Variants in CEP83 observed in about 807,000 individuals in gnomAD.
CEP83 encodes centrosomal protein 83.
CEP83 carries 70 observed loss-of-function variants against 101.9 expected under a neutral mutation model. That is an observed-to-expected ratio of 0.69 (90% CI 0.57 to 0.84). The LOEUF (loss-of-function observed/expected upper bound fraction) is 0.84, where lower values mean the gene tolerates loss of function less well. Among genes scored for constraint, CEP83 ranks in the 40% least tolerant of loss-of-function variants. The pLI is 0.00. For synonymous variants in CEP83, 264 were observed against 267.9 expected, an observed-to-expected ratio of 0.99 and a Z score of 0.14; for missense variants, 715 against 787.2, an observed-to-expected ratio of 0.91 and a Z score of 1.10.
At chr12:94,287,911 G>A in the CEP83 span, among the ~76,000 whole-genome samples, 2 of 152,224 alleles carry the variant, frequency 1.3e-5, no homozygotes, top group East Asian at 1.9e-4. Context: ...CGCTCCATGA[G>A]GTGAATACTA....
intron 1 of CEP83, among the ~76,000 whole-genome samples, chr12:94,447,491 G>A (rs12815406): frequency 1.3e-5 from 2 of 152,140 alleles, no homozygotes; most frequent in Non-Finnish European, 2.9e-5. Flanking sequence ...GAAAACAGGA[G>A]AACCTGTCTG....
chr12:94,275,416 A>G, the CEP83 span, among the ~76,000 whole-genome samples: 1 of 152,208 alleles, frequency 6.6e-6, no homozygotes, highest in Non-Finnish European at 1.5e-5. Flanking sequence ...GGCTGAGGGC[A>G]GACGCTGTGA....
At chr12:94,354,023 T>C (rs538528447) in intron 11 of CEP83, among the ~76,000 whole-genome samples, 87 of 152,256 alleles carry the variant, frequency 5.7e-4, no homozygotes, top group African/African-American at 1.9e-3. Context: ...AGGGGAAAGA[T>C]AGACACCAAT....
At chr12:94,320,111 C>CT (rs1971395344) in intron 14 of CEP83, among the ~76,000 whole-genome samples, 1 of 151,966 alleles carries the variant, frequency 6.6e-6, no homozygotes, top group Non-Finnish European at 1.5e-5. Flanking sequence ...AAACCCGTGT[C>CT]TTTTTTGATT....
At chr12:94,429,224 G>A (rs914434927) in intron 2 of CEP83, among the ~76,000 whole-genome samples, 2 of 152,194 alleles carry the variant, frequency 1.3e-5, no homozygotes, top group Non-Finnish European at 2.9e-5. Context: ...TTAGCTAAGA[G>A]CCTGGAGAGA....
Position 94,378,851 on chromosome 12 carries a change from A to G in CEP83, c.741T>C (p.Asn247=). 5 of 1,614,030 alleles carry G rather than the reference A, an allele frequency of 3.1e-6. No homozygotes were observed. Among genetic ancestry groups the G allele is most frequent in the Non-Finnish European group, 4.2e-6 (5 of 1,179,956 alleles). Residue 247 remains asparagine, a synonymous_variant, in exon 7 of 17, where the codon AAT becomes AAC. Transcript: ENST00000397809. Reference sequence around the variant, plus strand: ...ACTGCCGCACCTGTATTCTTTGGGCATTTTCCACCTGAGCCTCAGAATTCT... The same window carrying G: ...ACTGCCGCACCTGTATTCTTTGGGCGTTTTCCACCTGAGCCTCAGAATTCT... ...EKENSEAQVE[N]AQRIQVRQLA...
At chr12:94,422,745 T>C (rs1291821423) in intron 2 of CEP83, among the ~76,000 whole-genome samples, 2 of 152,234 alleles carry the variant, frequency 1.3e-5, no homozygotes, top group Admixed American at 6.5e-5. Context: ...TTCACCCAAA[T>C]AGCTGTGAGA....
At chr12:94,413,133 C>T (rs1324466305) in intron 2 of CEP83, among the ~76,000 whole-genome samples, 2 of 152,134 alleles carry the variant, frequency 1.3e-5, no homozygotes, top group East Asian at 3.8e-4. Flanking sequence ...GGATTACAGG[C>T]GTGAGCCACC....
At position 94,403,161 on chromosome 12, in the gene CEP83, G is replaced by A. The variant is rs1385337266; in HGVS notation, c.417+9C>T. The stretch of plus-strand genomic sequence containing the variant: ...GATAAATGCATAGTAAACAACATAA[G>A]TTACTTACTTCATCTAGATTCCTAA... On this transcript the variant is annotated intron_variant, in intron 5 of 16. Transcript: ENST00000397809. 1.5e-6 allele frequency: 2 copies of A among 1,351,436 alleles called. No individual in the cohort carries two copies. Among genetic ancestry groups the A allele is most frequent in the Non-Finnish European group, 2.1e-6 (2 of 943,384 alleles). The allele number at this position is 1,351,436 out of a possible 1,614,324, so 83.7% of individuals were successfully genotyped here. A position where few individuals can be genotyped will look rare whatever the true frequency, so the allele number is the denominator to read the frequency against.
chr12:94,346,447 C>CAAA (rs201802151), intron 11 of CEP83, among the ~76,000 whole-genome samples: 6 of 91,428 alleles, frequency 6.6e-5, no homozygotes, highest in African/African-American at 2.2e-4. Context: ...GACGCCGTCT[C>CAAA]AAAAAAAAAA....
chr12:94,411,605 G>T, intron 4 of CEP83, 92 bp downstream of exon 4: 1 of 837,432 alleles, frequency 1.2e-6, no homozygotes, highest in Non-Finnish European at 1.9e-6. Flanking sequence ...TAAGGATATA[G>T]ACAGAAATTG....
chr12:94,396,604 G>A (rs900701123), intron 6 of CEP83, among the ~76,000 whole-genome samples: 15 of 151,642 alleles, frequency 9.9e-5, no homozygotes, highest in African/African-American at 2.2e-4. Context: ...GTATTTATTC[G>A]TAAGATGAGA....
chr12:94,430,244 A>C (rs530873363), intron 2 of CEP83, among the ~76,000 whole-genome samples: 11 of 152,298 alleles, frequency 7.2e-5, no homozygotes, highest in Non-Finnish European at 1.3e-4. Context: ...AAAGGAACAT[A>C]ATAATTCTCC....
At chr12:94,410,598 C>T (rs889319559) in intron 4 of CEP83, among the ~76,000 whole-genome samples, 1 of 152,136 alleles carries the variant, frequency 6.6e-6, no homozygotes, top group Non-Finnish European at 1.5e-5. Context: ...TCTCATGAAA[C>T]AGAATAATTA....
At chr12:94,416,822 C>T (rs2064311308) in intron 2 of CEP83, among the ~76,000 whole-genome samples, 1 of 151,892 alleles carries the variant, frequency 6.6e-6, no homozygotes, top group African/African-American at 2.4e-5. Context: ...ACCTCCCTCA[C>T]CCCACTGAAA....
intron 4 of CEP83, among the ~76,000 whole-genome samples, chr12:94,409,200 T>G (rs1168961959): frequency 6.6e-6 from 1 of 152,104 alleles, no homozygotes; most frequent in Non-Finnish European, 1.5e-5. Flanking sequence ...ATAGCTAAAT[T>G]GCTTCAAAAT....
intron 11 of CEP83, among the ~76,000 whole-genome samples, chr12:94,362,726 A>G (rs1334748047): frequency 6.6e-6 from 1 of 152,262 alleles, no homozygotes; most frequent in African/African-American, 2.4e-5. Flanking sequence ...TGTCAAAGTG[A>G]TATCTGCACT....
At chr12:94,333,389 TA>T (rs2059319468) in intron 13 of CEP83, 92 bp downstream of exon 13, 1 of 1,139,246 alleles carries the variant, frequency 8.8e-7, no homozygotes, top group Non-Finnish European at 1.2e-6. Context: ...AACTAGTTTC[TA>T]AAATATAATC....
At chr12:94,420,876 G>A (rs1053412539) in intron 2 of CEP83, among the ~76,000 whole-genome samples, 2 of 152,048 alleles carry the variant, frequency 1.3e-5, no homozygotes, top group African/African-American at 4.8e-5. Context: ...GTATAAGCAT[G>A]TATAAAGAAA....
Sources: allele counts gnomAD v4.1 joint callset (sites outside exome capture counted in the v4.1 genomes callset), GRCh38; gene constraint gnomAD v4.1.1; transcripts MANE v1.5; gene names NCBI Gene and HGNC (gene_info 2026-07-23, HGNC 2026-07-21).